C1QTNF8: variants seen among roughly 807,000 people sequenced by gnomAD.
C1QTNF8 encodes complement C1q tumor necrosis factor-related protein 8.
Under a neutral mutation model 19.2 loss-of-function variants are expected in C1QTNF8, and 27 were observed. The ratio of observed to expected loss-of-function variants is 1.41; its 90% CI spans 1.04 to 1.94. The LOEUF is 1.94. Ranked by LOEUF, C1QTNF8 falls within the 30% of genes most tolerant of loss-of-function variation. The pLI, the probability that C1QTNF8 is intolerant of heterozygous loss-of-function variation, is 0.00. For missense variants in C1QTNF8, 484 were observed against 374.4 expected (o/e 1.29, Z -2.42); for synonymous variants, 208 against 172.8 (o/e 1.20, Z -1.60).
At chr16:1,091,625 G>A (rs972853298) in intron 4 of C1QTNF8, among the ~76,000 whole-genome samples, 3 of 152,156 alleles carry the variant, frequency 2.0e-5, no homozygotes, top group African/African-American at 4.8e-5. Flanking sequence ...CACAACTGCA[G>A]CCAGGCCATG....
rs1960521875 is a variant in C1QTNF8 at position 1,090,439 on chromosome 16, C to G, written c.*160G>C. On this transcript the variant is annotated 3_prime_UTR_variant, in exon 5 of 5. Coordinates refer to ENST00000328449, the MANE Select transcript of C1QTNF8 (RefSeq NM_207419.3). ...TCCCCCGCCTGCCTGGGGAGTGGCT[C>G]CAGCACACACACGCGGGTTCTGCAG... 6.6e-6 allele frequency: 1 copy of G among 152,546 alleles called. No individual in the cohort carries two copies. The highest frequency in any genetic ancestry group is 6.5e-5 in the Admixed American group (1 of 15,308). 9.4% of individuals were successfully genotyped at this position (152,546 alleles called of 1,614,324 possible).
chr16:1,093,937 G>C lies in C1QTNF8; in HGVS notation c.323C>G (p.Pro108Arg). The part of the protein sequence containing the change: ...RRGQKGQVGP[P>R]GAACRRAYAA... ...GTAGGCACGTCGGCACGCGGCGCCC[G>C]GCGGCCCCACCTGCCCCTTCTGGCC... The change falls in exon 4 of 5, where the codon CCG becomes CGG. Residue 108 changes from proline (P) to arginine (R), a missense_variant. Pro to Arg is a moderately radical substitution (Grantham distance 103). Transcript: ENST00000328449. The C allele has an allele frequency of 3.3e-6, 5 of 1,500,084 alleles. No homozygotes were observed. Among genetic ancestry groups the C allele is most frequent in the Admixed American group, 2.3e-5 (1 of 43,666 alleles). 92.9% of individuals were successfully genotyped at this position (1,500,084 alleles called of 1,614,324 possible).
At chr16:1,090,719 C>G (rs938988266) in intron 4 of C1QTNF8, 125 bp from the exon 5 acceptor site, 5 of 152,432 alleles carry the variant, frequency 3.3e-5, no homozygotes, top group African/African-American at 1.2e-4. Context: ...CCCCCTCCTC[C>G]CCCGGTTCCT....
intron 4 of C1QTNF8, among the ~76,000 whole-genome samples, chr16:1,092,403 C>T (rs549084025): frequency 1.3e-5 from 2 of 149,562 alleles, no homozygotes; most frequent in Non-Finnish European, 3.0e-5. Flanking sequence ...ACACAGTCGG[C>T]GCTCAATCAA....
intron 2 of C1QTNF8, 148 bp from the exon 3 acceptor site, chr16:1,095,081 T>G: frequency 4.9e-6 from 2 of 409,594 alleles, no homozygotes; most frequent in Non-Finnish European, 4.3e-6. Flanking sequence ...CCTGGCCCAG[T>G]GGGTGAGGCC....
chr16:1,093,384 C>A (rs1960599334), intron 4 of C1QTNF8, 113 bp downstream of exon 4: 1 of 401,808 alleles, frequency 2.5e-6, no homozygotes, highest in Non-Finnish European at 4.4e-6. Context: ...GCCCACCCCA[C>A]CACACCCACA....
rs1206089074 is a variant in C1QTNF8 at position 1,094,028 on chromosome 16, G to A, written c.232C>T (p.Arg78Ter). 7 of 1,473,518 alleles carry A rather than the reference G, an allele frequency of 4.8e-6. No individual in the cohort carries two copies. Among genetic ancestry groups the A allele is most frequent in the African/African-American group, 3.0e-5 (2 of 67,450 alleles). 91.3% of individuals were successfully genotyped at this position (1,473,518 alleles called of 1,614,324 possible). A position where few individuals can be genotyped will look rare whatever the true frequency, so the allele number is the denominator to read the frequency against. The change falls in exon 4 of 5, where the codon CGA (arginine) becomes TGA (stop). Residue 78 changes from arginine (R) to a stop codon, truncating the protein, a stop_gained. Coordinates refer to ENST00000328449, the MANE Select transcript of C1QTNF8 (RefSeq NM_207419.3). LOFTEE classifies it high-confidence loss of function. ...TTCCCGCTCCTGCCGGCCCGACCTC[G>A]GACGCCGGCCTCACCCTTCTCACCT... Reference protein sequence around the residue: ...LKGEKGEAGVRGRAGRSGKEG... With the variant: ...LKGEKGEAGV
chr16:1,093,454 A>ACCCG (rs768236099), intron 4 of C1QTNF8, 43 bp downstream of exon 4: 4 of 1,208,190 alleles, frequency 3.3e-6, no homozygotes, highest in African/African-American at 2.5e-5. Context: ...ACACACACAC[A>ACCCG]CACGCGCGCG....
chr16:1,091,572 G>A (rs1960544623), intron 4 of C1QTNF8, among the ~76,000 whole-genome samples: 1 of 152,118 alleles, frequency 6.6e-6, no homozygotes, highest in Non-Finnish European at 1.5e-5. Context: ...TTGCCTGGAG[G>A]GACCGACCCA....
intron 4 of C1QTNF8, 83 bp downstream of exon 4, chr16:1,093,412 ACC>A: frequency 4.0e-6 from 2 of 502,912 alleles, no homozygotes; most frequent in Non-Finnish European, 5.8e-6. Context: ...ACACACACAC[ACC>A]CACACCCACC....
intron 3 of C1QTNF8, among the ~76,000 whole-genome samples, chr16:1,094,286 AC>A (rs1226015566): frequency 6.6e-6 from 1 of 152,080 alleles, no homozygotes; most frequent in Non-Finnish European, 1.5e-5. Context: ...GAGGGTGGGG[AC>A]ATGGGTGGTC....
intron 1 of C1QTNF8, among the ~76,000 whole-genome samples, 174 bp downstream of exon 1, chr16:1,095,982 C>T (rs779489415): frequency 2.0e-5 from 3 of 152,162 alleles, no homozygotes; most frequent in Non-Finnish European, 4.4e-5. Flanking sequence ...TGCAGGAGCC[C>T]CCACGGAGTT....
chr16:1,092,192 G>T (rs1191139359), intron 4 of C1QTNF8, among the ~76,000 whole-genome samples: 3 of 152,210 alleles, frequency 2.0e-5, no homozygotes, highest in Non-Finnish European at 4.4e-5. Flanking sequence ...CCCCTGTGAG[G>T]GCAGGTGCGG....
rs541902318 is a variant in C1QTNF8 at position 1,089,609 on chromosome 16, G to A, written c.*990C>T. On this transcript the variant is annotated 3_prime_UTR_variant, in exon 5 of 5. Transcript: ENST00000328449. ...GTGGCTGCAGCCTGGCTCTGCCTGCGTGGCACTGGGTGTCCTCACTTGGGA... is the reference window on the plus strand; with the variant it reads ...GTGGCTGCAGCCTGGCTCTGCCTGCATGGCACTGGGTGTCCTCACTTGGGA... Among the ~76,000 whole-genome samples, 2 of 152,308 alleles carry A rather than the reference G, an allele frequency of 1.3e-5. No homozygotes were observed. The highest frequency in any genetic ancestry group is 3.9e-4 in the East Asian group (2 of 5,174).
chr16:1,094,616 C>G, intron 3 of C1QTNF8, 99 bp downstream of exon 3: 2 of 939,916 alleles, frequency 2.1e-6, no homozygotes, highest in South Asian at 3.4e-5. Flanking sequence ...GCTCAGCGTG[C>G]CCCTCCCGCC....
At chr16:1,092,064 T>C (rs1370096283) in intron 4 of C1QTNF8, among the ~76,000 whole-genome samples, 1 of 152,160 alleles carries the variant, frequency 6.6e-6, no homozygotes, top group Non-Finnish European at 1.5e-5. Flanking sequence ...GCAACCGGGC[T>C]CCGACCACCC....
chr16:1,092,501 C>G (rs1283463833), intron 4 of C1QTNF8, among the ~76,000 whole-genome samples: 2 of 143,560 alleles, frequency 1.4e-5, no homozygotes, highest in African/African-American at 2.7e-5. Flanking sequence ...CAACCAATCC[C>G]TGCACACAGT....
chr16:1,093,426 CCACACACA>C, intron 4 of C1QTNF8, 63 bp downstream of exon 4: 3 of 1,007,650 alleles, frequency 3.0e-6, no homozygotes, highest in Non-Finnish European at 1.3e-6. Context: ...ACACCCACCC[CCACACACA>C]CACACACAGA....
chr16:1,093,460 G>T, intron 4 of C1QTNF8, 37 bp downstream of exon 4: 1 of 1,221,672 alleles, frequency 8.2e-7, no homozygotes, highest in Non-Finnish European at 1.0e-6. Context: ...ACACACACGC[G>T]CGCGCGCGCC....
Sources: allele counts gnomAD v4.1 joint callset (sites outside exome capture counted in the v4.1 genomes callset), GRCh38; gene constraint gnomAD v4.1.1; transcripts MANE v1.5; gene names NCBI Gene and HGNC (gene_info 2026-07-23, HGNC 2026-07-21).